FIRRM: variants seen among roughly 807,000 people sequenced by gnomAD.
FIRRM encodes FIGNL1 interacting regulator of recombination and mitosis.
the FIRRM span, among the ~76,000 whole-genome samples, chr1:169,815,973 A>C: frequency 1.5e-4 from 23 of 152,200 alleles, no homozygotes; most frequent in Non-Finnish European, 2.8e-4. Context: ...AGAGGAGATC[A>C]GTCAGAAAGT....
the FIRRM span, chr1:169,827,922 G>A: frequency 6.8e-7 from 1 of 1,462,792 alleles, no homozygotes; most frequent in Non-Finnish European, 9.3e-7. Context: ...AATTAAGTTT[G>A]TGTGTTTTTT....
At chr1:169,853,494 C>T in the FIRRM span, 1 of 502,034 alleles carries the variant, frequency 2.0e-6, no homozygotes, top group South Asian at 3.5e-5. Flanking sequence ...AAAGGCTCTT[C>T]CTCCTGGAAA....
the FIRRM span, chr1:169,804,480 T>A: frequency 1.5e-5 from 4 of 259,634 alleles, no homozygotes; most frequent in African/African-American, 8.8e-5. Context: ...TATATAACTT[T>A]ATAATCTCTG....
At chr1:169,796,034 T>A in the FIRRM span, 8 of 916,252 alleles carry the variant, frequency 8.7e-6, no homozygotes, top group African/African-American at 1.8e-5. Context: ...CCCAGCTTTA[T>A]ACAATTACAC....
the FIRRM span, chr1:169,827,816 G>T: frequency 1.2e-6 from 2 of 1,613,968 alleles, no homozygotes; most frequent in Non-Finnish European, 1.7e-6. Flanking sequence ...TGCACAGACA[G>T]CCAGGTCTCA....
chr1:169,793,361 A>C, the FIRRM span: 3 of 1,614,166 alleles, frequency 1.9e-6, no homozygotes, highest in Non-Finnish European at 1.7e-6. Flanking sequence ...ATTTTCTAAC[A>C]TCTTCTTTAA....
chr1:169,800,715 CTT>C, the FIRRM span, among the ~76,000 whole-genome samples: 10 of 136,876 alleles, frequency 7.3e-5, no homozygotes, highest in Non-Finnish European at 1.1e-4. Flanking sequence ...TCCTTTCTCT[CTT>C]TTTTTTTTTT....
the FIRRM span, among the ~76,000 whole-genome samples, chr1:169,832,791 A>G: frequency 6.6e-6 from 1 of 152,088 alleles, no homozygotes; most frequent in Admixed American, 6.5e-5. Context: ...AATTACTTGT[A>G]GAGACTGGGT....
At chr1:169,793,771 C>G in the FIRRM span, 2 of 1,369,910 alleles carry the variant, frequency 1.5e-6, no homozygotes, top group African/African-American at 1.5e-5. Flanking sequence ...ACACACAAAT[C>G]TGCCTCAATT....
At chr1:169,785,547 C>T in the FIRRM span, among the ~76,000 whole-genome samples, 1 of 152,016 alleles carries the variant, frequency 6.6e-6, no homozygotes, top group Admixed American at 6.6e-5. Context: ...GTTTGGCTGT[C>T]CAGCAGCCGA....
the FIRRM span, among the ~76,000 whole-genome samples, chr1:169,847,185 T>G: frequency 6.6e-6 from 1 of 151,956 alleles, no homozygotes; most frequent in Non-Finnish European, 1.5e-5. Context: ...CGTAATAAAA[T>G]CCTAATGAAC....
the FIRRM span, chr1:169,798,916 T>C: frequency 1.5e-6 from 2 of 1,321,266 alleles, no homozygotes; most frequent in Non-Finnish European, 2.1e-6. Flanking sequence ...TTAATTATCC[T>C]ACTCATTGTC....
chr1:169,840,933 T>G, the FIRRM span, among the ~76,000 whole-genome samples: 4 of 152,186 alleles, frequency 2.6e-5, no homozygotes, highest in South Asian at 8.3e-4. Context: ...ACTTGTGTGC[T>G]GCTTTTATTT....
the FIRRM span, among the ~76,000 whole-genome samples, chr1:169,846,690 GGA>G: frequency 5.9e-5 from 9 of 152,092 alleles, no homozygotes; most frequent in African/African-American, 1.2e-4. Flanking sequence ...TCACAGAATT[GGA>G]GAGAGGGCCT....
At chr1:169,792,663 C>T in the FIRRM span, 19 of 1,612,244 alleles carry the variant, frequency 1.2e-5, 1 homozygote, top group Admixed American at 3.2e-4. Context: ...TTAAAAACAT[C>T]TCTTTCTTCT....
chr1:169,813,657 A>G, the FIRRM span, among the ~76,000 whole-genome samples: 19 of 152,318 alleles, frequency 1.2e-4, no homozygotes, highest in East Asian at 3.9e-4. Context: ...ATGCAGACCA[A>G]TTGTTCGGTA....
At chr1:169,822,730 C>T in the FIRRM span, among the ~76,000 whole-genome samples, 1 of 151,926 alleles carries the variant, frequency 6.6e-6, no homozygotes, top group African/African-American at 2.4e-5. Flanking sequence ...GAACTCCTGA[C>T]CTCAGGTGAT....
the FIRRM span, among the ~76,000 whole-genome samples, chr1:169,847,041 G>A: frequency 1.3e-5 from 2 of 151,890 alleles, no homozygotes; most frequent in African/African-American, 2.4e-5. Context: ...CCCAAGGAGA[G>A]GGGGAGAGAC....
At chr1:169,806,228 G>A in the FIRRM span, 17 of 592,770 alleles carry the variant, frequency 2.9e-5, 1 homozygote, top group Admixed American at 4.2e-4. Context: ...TGATAATCCA[G>A]ATATTCTACA....
Sources: allele counts gnomAD v4.1 joint callset (sites outside exome capture counted in the v4.1 genomes callset), GRCh38; gene constraint gnomAD v4.1.1; transcripts MANE v1.5; gene names NCBI Gene and HGNC (gene_info 2026-07-23, HGNC 2026-07-21).